The following TAGLN3 variants were observed in gnomAD, a reference collection of about 807,000 sequenced individuals.
The protein encoded by TAGLN3 is transgelin 3.
TAGLN3 carries 12 observed loss-of-function variants against 25.4 expected under a neutral mutation model. That is an observed-to-expected ratio of 0.47 (90% confidence interval 0.30 to 0.77). The LOEUF (loss-of-function observed/expected upper bound fraction) is 0.77. Among genes scored for constraint, TAGLN3 ranks in the 30% least tolerant of loss-of-function variants. The pLI, the probability that TAGLN3 is intolerant of heterozygous loss-of-function variation, is 0.06. For missense variants in TAGLN3, 218 were observed against 255.8 expected, an observed-to-expected ratio of 0.85 and a Z score of 1.01; for synonymous variants, 96 against 94.8, an observed-to-expected ratio of 1.01 and a Z score of -0.08.
Position 112,000,833 on chromosome 3 carries a change from C to G in TAGLN3, c.242C>G (p.Ser81Ter), listed in dbSNP as rs1218035526. 1.2e-6 allele frequency: 2 copies of G among 1,614,052 alleles called. No individual in the cohort carries two copies. Among genetic ancestry groups the G allele is most frequent in the Admixed American group, 1.7e-5 (1 of 60,014 alleles). Residue 81 changes from serine (S) to a stop codon, truncating the protein, a stop_gained, in exon 3 of 5, where the codon TCA becomes TGA. Coordinates refer to ENST00000478951, the MANE Select transcript of TAGLN3 (RefSeq NM_001008272.2). LOFTEE classifies it high-confidence loss of function. Reference protein sequence around the residue: ...PPGQEPIPKISESKMAFKQME... With the variant: ...PPGQEPIPKI ...GGACAAGAGCCCATACCCAAGATCT[C>G]AGAGTCAAAGATGGCTTTTAAGCAG...
chr3:112,009,821 A>G (rs2072956315), intron 3 of TAGLN3, among the ~76,000 whole-genome samples: 1 of 151,924 alleles, frequency 6.6e-6, no homozygotes, highest in African/African-American at 2.4e-5. Context: ...CTTCTTTCTC[A>G]AGTGTAATCA....
chr3:112,001,294 G>A (rs145096132), intron 3 of TAGLN3, among the ~76,000 whole-genome samples: 3 of 152,324 alleles, frequency 2.0e-5, no homozygotes, highest in East Asian at 3.9e-4. Context: ...CAGGGGGCCA[G>A]TGTGCTTCTT....
chr3:112,012,283 C>CT (rs1440522541), intron 4 of TAGLN3, among the ~76,000 whole-genome samples: 4 of 134,184 alleles, frequency 3.0e-5, no homozygotes, highest in South Asian at 2.7e-4. Flanking sequence ...TTCCTCCTTC[C>CT]CTCCCTCCCT....
At chr3:112,012,516 G>A (rs1366914947) in intron 4 of TAGLN3, among the ~76,000 whole-genome samples, 1 of 151,728 alleles carries the variant, frequency 6.6e-6, no homozygotes, top group East Asian at 1.9e-4. Flanking sequence ...GGTAGGGTAG[G>A]CAGGAAGCTT....
chr3:112,010,834 T>C (rs2072968346), intron 3 of TAGLN3, among the ~76,000 whole-genome samples: 2 of 152,188 alleles, frequency 1.3e-5, no homozygotes, highest in South Asian at 4.1e-4. Flanking sequence ...GCCTTAATTG[T>C]TTATTTTATT....
intron 3 of TAGLN3, among the ~76,000 whole-genome samples, chr3:112,007,036 C>T (rs1186145174): frequency 6.6e-6 from 1 of 152,204 alleles, no homozygotes; most frequent in Non-Finnish European, 1.5e-5. Flanking sequence ...GCTGAAAACA[C>T]TTGCCAGGTG....
chr3:112,005,031 C>T (rs770471869), intron 3 of TAGLN3, among the ~76,000 whole-genome samples: 93 of 152,268 alleles, frequency 6.1e-4, no homozygotes, highest in East Asian at 1.9e-3. Flanking sequence ...TACTGCTTTA[C>T]TAATTCCAGA....
intron 3 of TAGLN3, among the ~76,000 whole-genome samples, chr3:112,004,594 C>G (rs1460140010): frequency 1.3e-5 from 2 of 152,108 alleles, no homozygotes; most frequent in African/African-American, 4.8e-5. Context: ...TCGATTTTCT[C>G]AGTTGTAAAG....
At chr3:112,008,141 TAA>T (rs899265965) in intron 3 of TAGLN3, among the ~76,000 whole-genome samples, 3 of 152,276 alleles carry the variant, frequency 2.0e-5, no homozygotes, top group African/African-American at 7.2e-5. Context: ...ATGCATATTT[TAA>T]AAGAGATGCC....
At chr3:112,003,658 A>G (rs537311341) in intron 3 of TAGLN3, among the ~76,000 whole-genome samples, 1 of 152,278 alleles carries the variant, frequency 6.6e-6, no homozygotes, top group African/African-American at 2.4e-5. Flanking sequence ...ATCAACTTAC[A>G]TTAATTCTGG....
chr3:112,004,069 C>T (rs2072891037), intron 3 of TAGLN3, among the ~76,000 whole-genome samples: 1 of 152,216 alleles, frequency 6.6e-6, no homozygotes, highest in Admixed American at 6.5e-5. Context: ...AAAAACAACA[C>T]AATCACAGGG....
intron 3 of TAGLN3, among the ~76,000 whole-genome samples, chr3:112,010,378 T>C (rs2072962525): frequency 6.6e-6 from 1 of 152,184 alleles, no homozygotes; most frequent in African/African-American, 2.4e-5. Flanking sequence ...TTCTCTAGGT[T>C]CCCTTTAATA....
chr3:112,001,607 G>C (rs1226198563), intron 3 of TAGLN3, among the ~76,000 whole-genome samples: 1 of 152,230 alleles, frequency 6.6e-6, no homozygotes, highest in Non-Finnish European at 1.5e-5. Context: ...TATGGTCATG[G>C]TGTCGTTAAT....
chr3:112,000,908 G>T lies in TAGLN3; in HGVS notation c.317G>T (p.Arg106Ile), dbSNP rs762743182. Residue 106 changes from arginine (R) to isoleucine (I), a missense_variant, in exon 3 of 5, where the codon AGA (arginine) becomes ATA (isoleucine). By Grantham distance (97) the Arg-to-Ile change is moderately conservative. Coordinates refer to ENST00000478951, the MANE Select transcript of TAGLN3 (RefSeq NM_001008272.2). Reference sequence around the variant, plus strand: ...AAAGCTGCGGAGACCTATGGTGTCAGAACCACCGACATCTTTCAGACGGTG... The same window carrying T: ...AAAGCTGCGGAGACCTATGGTGTCATAACCACCGACATCTTTCAGACGGTG... The part of the protein sequence containing the change: ...FLKAAETYGV[R>I]TTDIFQTVDL... 1 of 1,614,022 alleles carries T rather than the reference G, an allele frequency of 6.2e-7. No homozygotes were observed. The highest frequency in any genetic ancestry group is 1.7e-5 in the Admixed American group (1 of 60,004).
At chr3:112,011,600 T>A (rs7625289) in intron 3 of TAGLN3, among the ~76,000 whole-genome samples, 163 bp from the exon 4 acceptor site, 2,186 of 152,334 alleles carry the variant, frequency 0.014, 61 homozygotes, top group African/African-American at 0.049. Flanking sequence ...TTGGGTATGG[T>A]TGTCTTAGGG....
rs73232060 is a variant in TAGLN3, at chr3:112,000,758, C to T, written c.181-14C>T. ...AAGGGAAACATTGATTCTGTCTCTC[C>T]CCTCCCTCTTCAGGTCCTGTGCAAG... On this transcript the variant is annotated splice_polypyrimidine_tract_variant and intron_variant, in intron 2 of 4. Coordinates refer to ENST00000478951, the MANE Select transcript of TAGLN3 (RefSeq NM_001008272.2). 50,737 of 1,609,728 alleles carry T rather than the reference C, an allele frequency of 0.032. 982 individuals carry two copies. Among genetic ancestry groups the T allele is most frequent in the Middle Eastern group, 0.046 (278 of 6,042 alleles).
In TAGLN3 at chr3:112,000,955, C is replaced by T. The variant is rs778326501; in HGVS notation, c.355+9C>T. ...GGTGGATCTATGGGAAGGTAAACAG[C>T]CCCCTGGCCTTTGGGATTGTTCTTT... is the stretch of plus-strand genomic sequence containing the variant. On this transcript the variant is annotated intron_variant, in intron 3 of 4. Transcript: ENST00000478951. The T allele has an allele frequency of 3.1e-6, 5 of 1,611,404 alleles. No homozygotes were observed. The highest frequency in any genetic ancestry group is 4.2e-6 in the Non-Finnish European group (5 of 1,178,510).
intron 3 of TAGLN3, among the ~76,000 whole-genome samples, chr3:112,005,012 C>A (rs1329983019): frequency 6.6e-6 from 1 of 152,124 alleles, no homozygotes; most frequent in African/African-American, 2.4e-5. Flanking sequence ...GATGTCTTTC[C>A]CCATAATTTA....
chr3:112,011,004 G>A (rs2072969856), intron 3 of TAGLN3, among the ~76,000 whole-genome samples: 1 of 152,190 alleles, frequency 6.6e-6, no homozygotes, highest in Non-Finnish European at 1.5e-5. Context: ...TTCCCCGCCA[G>A]GTTAGATGCT....
Sources: gnomAD v4.1 joint callset for allele counts (sites outside exome capture counted in the v4.1 genomes callset) on GRCh38, gnomAD v4.1.1 for gene constraint, MANE v1.5 for transcripts, NCBI Gene and HGNC (gene_info 2026-07-23, HGNC 2026-07-21) for gene names.